DAPK1: variants seen among roughly 807,000 people sequenced by gnomAD.
DAPK1 encodes the protein death associated protein kinase 1.
In DAPK1, 56 loss-of-function variants were observed where a neutral mutation model predicts 144.9. The observed-to-expected ratio is 0.39, with a 90% CI of 0.31 to 0.48. The LOEUF (loss-of-function observed/expected upper bound fraction) is 0.48, where lower values mean the gene tolerates loss of function less well. DAPK1 is among the 20% of genes least tolerant of loss of function. DAPK1 has a pLI of 0.95. For synonymous variants in DAPK1, 690 were observed against 749.0 expected, an observed-to-expected ratio of 0.92 and a Z score of 1.29; for missense variants, 1,454 against 1,875.4, an observed-to-expected ratio of 0.78 and a Z score of 4.15.
chr9:87,651,482 A>G (rs1271310458), intron 16 of DAPK1, 45 bp from the exon 17 acceptor site: 6 of 1,598,160 alleles, frequency 3.8e-6, no homozygotes, highest in Non-Finnish European at 4.3e-6. Flanking sequence ...CGGAGGCCAC[A>G]TGCCCAAGTG....
At chr9:87,640,906 C>G in intron 9 of DAPK1, 59 bp downstream of exon 9, 1 of 1,521,018 alleles carries the variant, frequency 6.6e-7, no homozygotes, top group Non-Finnish European at 9.1e-7. Context: ...TTTGGGCACC[C>G]TGGTATTCAT....
intron 25 of DAPK1, among the ~76,000 whole-genome samples, chr9:87,704,833 G>A (rs77143222): frequency 0.012 from 1,838 of 152,306 alleles, 42 homozygotes; most frequent in African/African-American, 0.041. Flanking sequence ...TGTGGTCACC[G>A]GTGGGGTCAG....
At chr9:87,523,893 G>A (rs1825392593) in intron 2 of DAPK1, among the ~76,000 whole-genome samples, 1 of 152,206 alleles carries the variant, frequency 6.6e-6, no homozygotes, top group Admixed American at 6.5e-5. Flanking sequence ...AAGAGCTTCA[G>A]AAATGAAGCT....
chr9:87,500,902 T>C (rs987031368), intron 2 of DAPK1, among the ~76,000 whole-genome samples: 2 of 152,188 alleles, frequency 1.3e-5, no homozygotes, highest in Non-Finnish European at 2.9e-5. Context: ...AGTCTGAAGT[T>C]TTTAAAAATG....
At chr9:87,609,812 T>C (rs1281855043) in intron 3 of DAPK1, among the ~76,000 whole-genome samples, 1 of 152,196 alleles carries the variant, frequency 6.6e-6, no homozygotes, top group Non-Finnish European at 1.5e-5. Context: ...GATATAGTTT[T>C]TGGATTTACT....
At chr9:87,598,825 A>G (rs1335658685) in intron 2 of DAPK1, among the ~76,000 whole-genome samples, 4 of 152,234 alleles carry the variant, frequency 2.6e-5, no homozygotes, top group African/African-American at 9.6e-5. Context: ...GAATGCTGCC[A>G]TCCTTGTGCC....
chr9:87,659,593 G>C (rs946215232), intron 18 of DAPK1, among the ~76,000 whole-genome samples: 1 of 152,214 alleles, frequency 6.6e-6, no homozygotes, highest in African/African-American at 2.4e-5. Context: ...GGCCCCCTCT[G>C]TAGGGTCCCT....
At position 87,653,441 on chromosome 9, in the gene DAPK1, A is replaced by G. The variant is rs115311118; in HGVS notation, c.1824+1717A>G. On this transcript the variant is annotated intron_variant, in intron 17 of 25. Coordinates refer to ENST00000408954, the MANE Select transcript of DAPK1 (RefSeq NM_004938.4). ...TTTGAATAATTTCATAGATAAACAG[A>G]AAATTATTATAATAAGTACTTTTTG... Among the ~76,000 whole-genome samples the G allele has an allele frequency of 1.9e-3, 283 of 152,312 alleles. 1 individual carries two copies. Among genetic ancestry groups the G allele is most frequent in the African/African-American group, 6.4e-3 (267 of 41,564 alleles).
At chr9:87,569,061 G>A (rs36233460) in intron 2 of DAPK1, among the ~76,000 whole-genome samples, 3,672 of 152,238 alleles carry the variant, frequency 0.024, 250 homozygotes, top group East Asian at 0.21. Context: ...TTTTTAATAA[G>A]TAGCATCCCT....
At chr9:87,606,735 C>T (rs1422833065) in intron 3 of DAPK1, among the ~76,000 whole-genome samples, 6 of 122,976 alleles carry the variant, frequency 4.9e-5, no homozygotes, top group African/African-American at 1.9e-4. Flanking sequence ...CCCTCCCTCC[C>T]TCTCTCCTTC....
At chr9:87,569,742 C>T (rs1827264999) in intron 2 of DAPK1, among the ~76,000 whole-genome samples, 1 of 152,082 alleles carries the variant, frequency 6.6e-6, no homozygotes, top group Admixed American at 6.6e-5. Flanking sequence ...GTCTTCCAGT[C>T]CATTAATCTT....
At chr9:87,593,031 G>C (rs1828190411) in intron 2 of DAPK1, among the ~76,000 whole-genome samples, 1 of 152,164 alleles carries the variant, frequency 6.6e-6, no homozygotes, top group Admixed American at 6.5e-5. Context: ...TCTTTGCTGG[G>C]CTGACAGCCA....
chr9:87,516,666 G>A (rs767249534), intron 2 of DAPK1, among the ~76,000 whole-genome samples: 3 of 152,098 alleles, frequency 2.0e-5, no homozygotes, highest in South Asian at 2.1e-4. Context: ...CATGCTGCGT[G>A]TGTGGCCAGG....
intron 2 of DAPK1, among the ~76,000 whole-genome samples, chr9:87,507,369 C>T (rs772490088): frequency 1.3e-5 from 2 of 152,178 alleles, no homozygotes; most frequent in African/African-American, 4.8e-5. Context: ...TGCACCACCA[C>T]GCCTGGCTAA....
In DAPK1 at chr9:87,577,080, T is replaced by G. The variant is rs560687707; in HGVS notation, c.63-27874T>G. On this transcript the variant is annotated intron_variant, in intron 2 of 25. Coordinates refer to ENST00000408954, the MANE Select transcript of DAPK1 (RefSeq NM_004938.4). Reference sequence around the variant, plus strand: ...TGCTGCTCAGTGTTTGGGGAAGAGATAATATTCTGGTTTGTCCCTCAAATA... The same window carrying G: ...TGCTGCTCAGTGTTTGGGGAAGAGAGAATATTCTGGTTTGTCCCTCAAATA... Among the ~76,000 whole-genome samples, 52 of 152,308 alleles carry G rather than the reference T, an allele frequency of 3.4e-4. 2 individuals are homozygous for G. In the South Asian group the frequency reaches 0.01, roughly 30 times the overall value.
At chr9:87,632,923 A>ATATATATATATATATATATATATATAT (rs1829756847) in intron 3 of DAPK1, 3 of 698,184 alleles carry the variant, frequency 4.3e-6, no homozygotes, top group African/African-American at 5.6e-5. Context: ...TATATATATA[A>ATATATATATATATATATATATATATAT]ATGAAGGGTG....
chr9:87,533,973 A>AT (rs1213234647), intron 2 of DAPK1, among the ~76,000 whole-genome samples: 1 of 152,102 alleles, frequency 6.6e-6, no homozygotes, highest in Non-Finnish European at 1.5e-5. Flanking sequence ...GAGTCCACTC[A>AT]TTTTCTAACA....
rs562771527 is a variant in DAPK1, at chr9:87,512,605, G to A, written c.62+13466G>A. Among the ~76,000 whole-genome samples the A allele has an allele frequency of 3.9e-5, 6 of 152,254 alleles. No homozygotes were observed. The South Asian group carries it at 1.2e-3, about 32-fold the overall frequency. On this transcript the variant is annotated intron_variant, in intron 2 of 25. Coordinates refer to ENST00000408954, the MANE Select transcript of DAPK1 (RefSeq NM_004938.4). ...GTACTCATTCTGTTCCCCTGGAGTG[G>A]GGTCCAGTTTGTTCAAGAAACATGG... is the stretch of plus-strand genomic sequence containing the variant.
At chr9:87,502,668 C>T (rs1387384423) in intron 2 of DAPK1, among the ~76,000 whole-genome samples, 1 of 152,198 alleles carries the variant, frequency 6.6e-6, no homozygotes, top group East Asian at 1.9e-4. Context: ...AGTCCTACTT[C>T]CTTAATGAAT....
Sources: gnomAD v4.1 joint callset for allele counts (sites outside exome capture counted in the v4.1 genomes callset) on GRCh38, gnomAD v4.1.1 for gene constraint, MANE v1.5 for transcripts, NCBI Gene and HGNC (gene_info 2026-07-23, HGNC 2026-07-21) for gene names.